Variants in RAB35 observed in about 807,000 individuals in gnomAD.
RAB35 encodes the protein ras-related protein Rab-35.
Under a neutral mutation model 28.9 loss-of-function variants are expected in RAB35, and 4 were observed. The ratio of observed to expected loss-of-function variants is 0.14; its 90% CI spans 0.07 to 0.32. The LOEUF is 0.32. RAB35 is among the 10% of genes least tolerant of loss of function. The probability of loss-of-function intolerance (pLI) is 1.00; values close to 1 mark genes in which losing one functional copy is unlikely to be tolerated. For missense variants in RAB35, 128 were observed against 274.0 expected, an observed-to-expected ratio of 0.47 and a Z score of 3.76; for synonymous variants, 99 against 105.1, an observed-to-expected ratio of 0.94 and a Z score of 0.35.
At chr12:120,098,328 C>A (rs1475055495) in intron 5 of RAB35, among the ~76,000 whole-genome samples, 1 of 152,256 alleles carries the variant, frequency 6.6e-6, no homozygotes, top group African/African-American at 2.4e-5. Flanking sequence ...ACCAGCCTTG[C>A]CCACAGGCCC....
At position 120,096,390 on chromosome 12, in the gene RAB35, G is replaced by A. The variant is rs1875392512; in HGVS notation, c.*855C>T. The A allele has an allele frequency of 2.4e-6, 3 of 1,250,402 alleles. No individual in the cohort carries two copies. In the African/African-American group the frequency reaches 4.7e-5, roughly 19 times the overall value. 77.5% of individuals were successfully genotyped at this position (1,250,402 alleles called of 1,614,324 possible). A position where few individuals can be genotyped will look rare whatever the true frequency, so the allele number is the denominator to read the frequency against. The stretch of plus-strand genomic sequence containing the variant: ...TAATTGTGAGGAATTTAATTCACTT[G>A]ATTTGGCTTCATTTTCTTGATCTGT... On this transcript the variant is annotated 3_prime_UTR_variant, in exon 6 of 6. Transcript: ENST00000229340.
intron 1 of RAB35, among the ~76,000 whole-genome samples, chr12:120,110,290 A>ATGTTTTTTTTTTTTTTTTTTTTTTTTT (rs1876062003): frequency 1.1e-5 from 1 of 88,596 alleles, no homozygotes; most frequent in Non-Finnish European, 2.0e-5. Context: ...AGCCCACAGC[A>ATGTTTTTTTTTTTTTTTTTTTTTTTTT]TTTTTTTTTT....
chr12:120,097,513 C>T, intron 5 of RAB35, 140 bp from the exon 6 acceptor site: 1 of 640,332 alleles, frequency 1.6e-6, no homozygotes, highest in Non-Finnish European at 2.7e-6. Context: ...AAAGCCTATT[C>T]TAGAAGGAGG....
rs1875408290 is a variant in RAB35 at position 120,096,654 on chromosome 12, T to C, written c.*591A>G. The stretch of plus-strand genomic sequence containing the variant: ...CAGGTTCCCCAGCTCCCAGAATGGC[T>C]GTGGGGACAGGACAACGGGGAGGGA... On this transcript the variant is annotated 3_prime_UTR_variant, in exon 6 of 6. Transcript: ENST00000229340. 7.8e-7 allele frequency: 1 copy of C among 1,289,696 alleles called. No individual in the cohort carries two copies. The highest frequency in any genetic ancestry group is 1.0e-6 in the Non-Finnish European group (1 of 988,876). The allele number at this position is 1,289,696 out of a possible 1,614,324, so 79.9% of individuals were successfully genotyped here. A position where few individuals can be genotyped will look rare whatever the true frequency, so the allele number is the denominator to read the frequency against.
intron 3 of RAB35, among the ~76,000 whole-genome samples, chr12:120,099,873 G>A (rs756655699): frequency 1.5e-4 from 22 of 150,000 alleles, no homozygotes; most frequent in East Asian, 1.4e-3. Flanking sequence ...ATCAATCCCC[G>A]GAGGAGGAGG....
rs1875752917 is a variant in RAB35 at position 120,103,751 on chromosome 12, G to A, written c.227+75C>T. The A allele has an allele frequency of 1.9e-6, 3 of 1,573,518 alleles. No individual in the cohort carries two copies. Among genetic ancestry groups the A allele is most frequent in the Non-Finnish European group, 2.6e-6 (3 of 1,157,618 alleles). ...GACCCACCAGTGACATTTCCACCATGACCAGGCACCGGTCGCTCAACTGTG... is the reference window on the plus strand; with the variant it reads ...GACCCACCAGTGACATTTCCACCATAACCAGGCACCGGTCGCTCAACTGTG... On this transcript the variant is annotated intron_variant, in intron 3 of 5. Transcript: ENST00000229340. The surrounding 1 kb of genome is among the most constrained non-coding windows in gnomAD (Gnocchi z 6.1).
rs1187865969 is a variant in RAB35 at position 120,103,253 on chromosome 12, C to G, written c.227+573G>C. ...TCTGCGCAGGAGCCCAGCTTCCCCCCGGCCTGCAGCTCAGCCACAAAGGTG... is the reference window on the plus strand; with the variant it reads ...TCTGCGCAGGAGCCCAGCTTCCCCCGGGCCTGCAGCTCAGCCACAAAGGTG... On this transcript the variant is annotated intron_variant, in intron 3 of 5. Coordinates refer to ENST00000229340, the MANE Select transcript of RAB35 (RefSeq NM_006861.7). The surrounding 1 kb of genome is among the most constrained non-coding windows in gnomAD (Gnocchi z 6.1). Among the ~76,000 whole-genome samples, 1 of 152,222 alleles carries G rather than the reference C, an allele frequency of 6.6e-6. No homozygotes were observed. Among genetic ancestry groups the G allele is most frequent in the Non-Finnish European group, 1.5e-5 (1 of 68,040 alleles).
chr12:120,099,397 G>A, intron 3 of RAB35: 3 of 582,416 alleles, frequency 5.2e-6, no homozygotes, highest in South Asian at 4.0e-5. Flanking sequence ...CCAGCCCCTG[G>A]GCAGCAGAGC....
chr12:120,097,377 T>G lies in RAB35; in HGVS notation c.478-4A>C. On this transcript the variant is annotated splice_region_variant and splice_polypyrimidine_tract_variant and intron_variant, in intron 5 of 5. Coordinates refer to ENST00000229340, the MANE Select transcript of RAB35 (RefSeq NM_006861.7). ...GCTCCGTGATGCAGTTGAACATCTG[T>G]GGAGAGGAAAGAGGAAGGGCCCGCC... 2 of 1,608,150 alleles carry G rather than the reference T, an allele frequency of 1.2e-6. No homozygotes were observed. Among genetic ancestry groups the G allele is most frequent in the Admixed American group, 1.7e-5 (1 of 59,752 alleles).
chr12:120,112,301 G>A (rs1028703293), intron 1 of RAB35, among the ~76,000 whole-genome samples: 1 of 151,912 alleles, frequency 6.6e-6, no homozygotes, highest in African/African-American at 2.4e-5. Context: ...TGCTGTATCT[G>A]GTCCTCACCA....
chr12:120,111,794 C>A (rs976268553), intron 1 of RAB35, among the ~76,000 whole-genome samples: 2 of 152,076 alleles, frequency 1.3e-5, no homozygotes, highest in Non-Finnish European at 2.9e-5. Context: ...GAACAGAAAC[C>A]CACCCCAAGA....
chr12:120,099,424 C>T, intron 3 of RAB35: 1 of 537,890 alleles, frequency 1.9e-6, no homozygotes, highest in Non-Finnish European at 3.3e-6. Context: ...GAGGAGTCAC[C>T]TCCTGCTGTT....
At chr12:120,110,821 G>A (rs1309629359) in intron 1 of RAB35, among the ~76,000 whole-genome samples, 1 of 152,206 alleles carries the variant, frequency 6.6e-6, no homozygotes, top group Admixed American at 6.5e-5. Context: ...GCAGGCAGAC[G>A]CTGCTCAGCC....
chr12:120,097,068 CT>C lies in RAB35; in HGVS notation c.*176del. ...AGGGAAGGGCGGGCTGGTCCAACAC[CT>C]TCTTGGCACTCGAGGAGGGCGGGGG... is the stretch of plus-strand genomic sequence containing the variant. On this transcript the variant is annotated 3_prime_UTR_variant, in exon 6 of 6. Coordinates refer to ENST00000229340, the MANE Select transcript of RAB35 (RefSeq NM_006861.7). 1 of 1,540,624 alleles carries C rather than the reference CT, an allele frequency of 6.5e-7. No individual in the cohort carries two copies. The highest frequency in any genetic ancestry group is 8.7e-7 in the Non-Finnish European group (1 of 1,148,624).
intron 1 of RAB35, among the ~76,000 whole-genome samples, chr12:120,116,269 C>T (rs1032706860): frequency 2.0e-5 from 3 of 152,170 alleles, no homozygotes; most frequent in African/African-American, 7.2e-5. Context: ...AAGCAACTTG[C>T]CCAAGGTCAG....
At chr12:120,116,444 G>C (rs1483037523) in intron 1 of RAB35, among the ~76,000 whole-genome samples, 155 bp downstream of exon 1, 2 of 150,610 alleles carry the variant, frequency 1.3e-5, no homozygotes, top group Non-Finnish European at 3.0e-5. Context: ...GCGCGGTCCG[G>C]AGCCCCTCGG....
chr12:120,098,699 T>C, intron 5 of RAB35, 112 bp downstream of exon 5: 3 of 1,455,450 alleles, frequency 2.1e-6, no homozygotes, highest in Non-Finnish European at 2.8e-6. Context: ...ACTCAATAAA[T>C]GGCAGTTACT....
In RAB35 at chr12:120,096,325, A is replaced by G; in HGVS notation, c.*920T>C. The G allele has an allele frequency of 1.0e-6, 1 of 981,496 alleles. No homozygotes were observed. Among genetic ancestry groups the G allele is most frequent in the Non-Finnish European group, 1.3e-6 (1 of 745,662 alleles). The allele number at this position is 981,496 out of a possible 1,614,324, so 60.8% of individuals were successfully genotyped here. A position where few individuals can be genotyped will look rare whatever the true frequency, so the allele number is the denominator to read the frequency against. Reference sequence around the variant, plus strand: ...AGTGGACACAAGTGGGGTGGCCTCAACTTTTGCTGCTGTGCCAATCAAACC... The same window carrying G: ...AGTGGACACAAGTGGGGTGGCCTCAGCTTTTGCTGCTGTGCCAATCAAACC... On this transcript the variant is annotated 3_prime_UTR_variant, in exon 6 of 6. Coordinates refer to ENST00000229340, the MANE Select transcript of RAB35 (RefSeq NM_006861.7).
chr12:120,109,143 C>A (rs541888951), intron 1 of RAB35, among the ~76,000 whole-genome samples: 1 of 152,324 alleles, frequency 6.6e-6, no homozygotes, highest in Non-Finnish European at 1.5e-5. Flanking sequence ...TGGCCTCCCC[C>A]ACTTTTTTTG....
Sources: gnomAD v4.1 joint callset for allele counts (sites outside exome capture counted in the v4.1 genomes callset) on GRCh38, gnomAD v4.1.1 for gene constraint, Gnocchi (gnomAD v3.1) non-coding constraint, MANE v1.5 for transcripts, NCBI Gene and HGNC (gene_info 2026-07-23, HGNC 2026-07-21) for gene names.